The following RBFA variants were observed in gnomAD, a reference collection of about 807,000 sequenced individuals.
The protein encoded by RBFA is ribosome binding factor A.
A neutral mutation model predicts 27.9 loss-of-function variants in RBFA; 16 were observed. The observed-to-expected ratio is 0.57, with a 90% CI of 0.39 to 0.87. The LOEUF (loss-of-function observed/expected upper bound fraction) is 0.87, where lower values mean the gene tolerates loss of function less well. Among genes scored for constraint, RBFA ranks in the 40% least tolerant of loss-of-function variants. The pLI is 0.00. For synonymous variants in RBFA, 181 were observed against 181.0 expected (o/e 1.00, Z 0.00); for missense variants, 456 against 432.1 (o/e 1.06, Z -0.49).
rs770339188 is a variant in RBFA, at chr18:80,036,664, A to C, written c.159-4A>C. On this transcript the variant is annotated splice_polypyrimidine_tract_variant and splice_region_variant and intron_variant, in intron 1 of 6. Coordinates refer to ENST00000306735, the MANE Select transcript of RBFA (RefSeq NM_024805.3). ...CTAACATAATGCTTATTTTCTCCCC[A>C]AAGAAAAAAGGTTTGGTATGAAAGT... 2 of 1,610,842 alleles carry C rather than the reference A, an allele frequency of 1.2e-6. No homozygotes were observed. The highest frequency in any genetic ancestry group is 4.5e-5 in the East Asian group (2 of 44,846).
chr18:80,039,771 T>G (rs879739731), intron 4 of RBFA, among the ~76,000 whole-genome samples: 6 of 152,224 alleles, frequency 3.9e-5, no homozygotes, highest in South Asian at 2.1e-4. Flanking sequence ...GAGCTGTTGT[T>G]TTCCAAATGA....
chr18:80,037,144 T>C lies in RBFA; in HGVS notation c.202-186T>C, dbSNP rs2051984724. 5.9e-6 allele frequency: 3 copies of C among 512,140 alleles called. No homozygotes were observed. The East Asian group carries it at 9.0e-5, about 15-fold the overall frequency. The allele number at this position is 512,140 out of a possible 1,614,324, so 31.7% of individuals were successfully genotyped here. Reference sequence around the variant, plus strand: ...GGCAGTACTTTTAATCTTGGAGGGTTACCAGGTAAAATTTAAAAGGATCCC... The same window carrying C: ...GGCAGTACTTTTAATCTTGGAGGGTCACCAGGTAAAATTTAAAAGGATCCC... On this transcript the variant is annotated intron_variant, in intron 2 of 6. Coordinates refer to ENST00000306735, the MANE Select transcript of RBFA (RefSeq NM_024805.3).
At chr18:80,041,182 T>C (rs531792674) in intron 4 of RBFA, 1 of 152,330 alleles carries the variant, frequency 6.6e-6, no homozygotes, top group East Asian at 1.9e-4. Flanking sequence ...TCTTACTGTT[T>C]AACAAAAGCA....
rs1414380017 is a variant in RBFA, at chr18:80,036,688, G to T, written c.179G>T (p.Ser60Ile). 7.4e-6 allele frequency: 12 copies of T among 1,612,636 alleles called. No homozygotes were observed. The highest frequency in any genetic ancestry group is 1.0e-5 in the Non-Finnish European group (12 of 1,179,108). ...CAAAGAAAAAAGGTTTGGTATGAAA[G>T]TCCTTCCTTGGGTTCTCACTCGGTG... ...SKTKKKVWYE[S>I]PSLGSHSTYK... The change falls in exon 2 of 7, where the codon AGT becomes ATT. Residue 60 changes from serine (S) to isoleucine (I), a missense_variant. By Grantham distance (142) the Ser-to-Ile change is moderately radical (BLOSUM62 -2). Coordinates refer to ENST00000306735, the MANE Select transcript of RBFA (RefSeq NM_024805.3).
intron 1 of RBFA, 106 bp from the exon 2 acceptor site, chr18:80,036,559 TCTA>T: frequency 1.5e-6 from 1 of 668,596 alleles, no homozygotes; most frequent in African/African-American, 1.8e-5. Flanking sequence ...TAATGTAACA[TCTA>T]AGTTTAGCCC....
chr18:80,044,160 G>A, intron 5 of RBFA, 52 bp from the exon 6 acceptor site: 1 of 1,471,408 alleles, frequency 6.8e-7, no homozygotes, highest in Non-Finnish European at 9.5e-7. Flanking sequence ...CCGGCTGTAA[G>A]TATGGTGGTG....
At position 80,034,517 on chromosome 18, in the gene RBFA, C is replaced by G. The variant is rs1224212708; in HGVS notation, c.22C>G (p.Leu8Val). The G allele has an allele frequency of 1.3e-6, 2 of 1,584,000 alleles. No homozygotes were observed. Among genetic ancestry groups the G allele is most frequent in the Middle Eastern group, 1.7e-4 (1 of 5,728 alleles). Reference sequence around the variant, plus strand: ...CGCCATGTGGGCTGCGGCGGGCGGGCTGTGGCGCTCCCGCGCGGGTCTCCG... The same window carrying G: ...CGCCATGTGGGCTGCGGCGGGCGGGGTGTGGCGCTCCCGCGCGGGTCTCCG... MWAAAGG[L>V]WRSRAGLRAL... is the part of the protein sequence containing the mutation. Residue 8 changes from leucine (L) to valine (V), a missense_variant, in exon 1 of 7, where the codon CTG becomes GTG. Coordinates refer to ENST00000306735, the MANE Select transcript of RBFA (RefSeq NM_024805.3).
intron 4 of RBFA, chr18:80,041,909 G>T (rs1267731704): frequency 9.5e-6 from 2 of 210,636 alleles, no homozygotes; most frequent in Non-Finnish European, 1.9e-5. Flanking sequence ...TGTATTTTTA[G>T]TAGAGACGGG....
At position 80,048,658 on chromosome 18, in the gene RBFA, G is replaced by A. The variant is rs117043195; in HGVS notation, c.*2503G>A. Among the ~76,000 whole-genome samples, 460 of 152,346 alleles carry A rather than the reference G, an allele frequency of 3.0e-3. 2 individuals carry two copies. Among genetic ancestry groups the A allele is most frequent in the Middle Eastern group, 6.8e-3 (2 of 294 alleles). ...GACCTCCACGCCTGTGCCGGATGTG[G>A]TGTTGGCATCCATAGCAGTCTCGCA... On this transcript the variant is annotated 3_prime_UTR_variant, in exon 7 of 7. Transcript: ENST00000306735.
At position 80,034,537 on chromosome 18, in the gene RBFA, T is replaced by G. The variant is rs549982787; in HGVS notation, c.42T>G (p.Gly14=). Residue 14 remains glycine, a synonymous_variant, in exon 1 of 7, where the codon GGT becomes GGG. Transcript: ENST00000306735. Reference sequence around the variant, plus strand: ...GCGGGCTGTGGCGCTCCCGCGCGGGTCTCCGGGCCCTGTTCCGTAGCCGCG... The same window carrying G: ...GCGGGCTGTGGCGCTCCCGCGCGGGGCTCCGGGCCCTGTTCCGTAGCCGCG... ...AAGGLWRSRA[G]LRALFRSRDA... is the part of the protein sequence containing the mutation. 5 of 1,589,994 alleles carry G rather than the reference T, an allele frequency of 3.1e-6. No individual in the cohort carries two copies. The highest frequency in any genetic ancestry group is 3.4e-6 in the Non-Finnish European group (4 of 1,173,158).
chr18:80,047,137 T>G lies in RBFA; in HGVS notation c.*982T>G, dbSNP rs72972289. On this transcript the variant is annotated 3_prime_UTR_variant, in exon 7 of 7. Transcript: ENST00000306735. ...CCTCCAAGCCCTGGCTCTCTGCCAG[T>G]GCAGCAGGGCTGTGAGAATCAAGAC... is the stretch of plus-strand genomic sequence containing the variant. The G allele has an allele frequency of 0.24, 36,196 of 152,234 alleles. 5,635 individuals are homozygous for G. The highest frequency in any genetic ancestry group is 0.35 in the Non-Finnish European group (23,659 of 68,004). 9.4% of individuals were successfully genotyped at this position (152,234 alleles called of 1,614,324 possible).
At position 80,034,607 on chromosome 18, in the gene RBFA, G is replaced by T. The variant is rs751642916; in HGVS notation, c.112G>T (p.Ala38Ser). 1.9e-6 allele frequency: 3 copies of T among 1,609,270 alleles called. No homozygotes were observed. The highest frequency in any genetic ancestry group is 1.7e-6 in the Non-Finnish European group (2 of 1,178,918). Residue 38 changes from alanine (A) to serine (S), a missense_variant, in exon 1 of 7, where the codon GCT becomes TCT. Ala to Ser is a moderately conservative substitution (Grantham distance 99, BLOSUM62 1). Transcript: ENST00000306735. ...CTGCGAGCGGGGACTTCACTGCTCT[G>T]CTGTCTCCTGCAAGAACTGGCTCAA... The part of the protein sequence containing the change: ...PGCERGLHCS[A>S]VSCKNWLKKF...
In RBFA at chr18:80,046,317, G is replaced by C; in HGVS notation, c.*162G>C. ...TATCTAAACACAATTTGCTACACAA[G>C]TCACTGTTTTTTTTTCCATGCACTG... On this transcript the variant is annotated 3_prime_UTR_variant, in exon 7 of 7. Coordinates refer to ENST00000306735, the MANE Select transcript of RBFA (RefSeq NM_024805.3). 2 of 791,198 alleles carry C rather than the reference G, an allele frequency of 2.5e-6. No individual in the cohort carries two copies. The highest frequency in any genetic ancestry group is 2.0e-6 in the Non-Finnish European group (1 of 505,780). The allele number at this position is 791,198 out of a possible 1,614,324, so 49.0% of individuals were successfully genotyped here.
In RBFA at chr18:80,038,510, C is replaced by T. The variant is rs769921430; in HGVS notation, c.384C>T (p.Ser128=). 2 of 1,610,050 alleles carry T rather than the reference C, an allele frequency of 1.2e-6. No homozygotes were observed. The highest frequency in any genetic ancestry group is 1.7e-6 in the Non-Finnish European group (2 of 1,177,700). Residue 128 remains serine, a synonymous_variant, in exon 4 of 7, where the codon TCC becomes TCT. Transcript: ENST00000306735. ...YDLNVELSKV[S]LTPDFSACRA... is the part of the protein sequence containing the mutation. ...GTGGAGGGGCGGGGTCTCAGGTTTC[C>T]CTGACTCCAGACTTCTCAGCCTGCC...
chr18:80,046,220 C>G lies in RBFA; in HGVS notation c.*65C>G. On this transcript the variant is annotated 3_prime_UTR_variant, in exon 7 of 7. Coordinates refer to ENST00000306735, the MANE Select transcript of RBFA (RefSeq NM_024805.3). ...CATTGGCACGCAACGCAGCATGTGG[C>G]TTCATTGAGGCAGTTGATGGAGTTA... is the stretch of plus-strand genomic sequence containing the variant. 6.5e-7 allele frequency: 1 copy of G among 1,532,908 alleles called. No individual in the cohort carries two copies. Among genetic ancestry groups the G allele is most frequent in the Non-Finnish European group, 8.8e-7 (1 of 1,133,342 alleles). 95.0% of individuals were successfully genotyped at this position (1,532,908 alleles called of 1,614,324 possible).
At chr18:80,037,240 C>T (rs1221752548) in intron 2 of RBFA, 90 bp from the exon 3 acceptor site, 9 of 1,062,588 alleles carry the variant, frequency 8.5e-6, no homozygotes, top group Non-Finnish European at 1.2e-5. Context: ...TCTGGTTGCC[C>T]ATCCAGCCCT....
intron 6 of RBFA, among the ~76,000 whole-genome samples, chr18:80,044,763 A>G (rs1202936907): frequency 6.6e-6 from 1 of 152,262 alleles, no homozygotes; most frequent in Non-Finnish European, 1.5e-5. Flanking sequence ...ACACATACAC[A>G]TCTTTTCCAA....
rs2051961739 is a variant in RBFA, at chr18:80,034,602, G to T, written c.107G>T (p.Cys36Phe). Reference protein sequence around the residue: ...LFPGCERGLHCSAVSCKNWLK... With the variant: ...LFPGCERGLHFSAVSCKNWLK... Reference sequence around the variant, plus strand: ...CCAGGCTGCGAGCGGGGACTTCACTGCTCTGCTGTCTCCTGCAAGAACTGG... The same window carrying T: ...CCAGGCTGCGAGCGGGGACTTCACTTCTCTGCTGTCTCCTGCAAGAACTGG... The change falls in exon 1 of 7, where the codon TGC becomes TTC. Residue 36 changes from cysteine (C) to phenylalanine (F), a missense_variant. Transcript: ENST00000306735. The T allele has an allele frequency of 7.5e-6, 12 of 1,610,052 alleles. No homozygotes were observed. Among genetic ancestry groups the T allele is most frequent in the Non-Finnish European group, 6.8e-6 (8 of 1,179,156 alleles).
chr18:80,042,053 T>C lies in RBFA; in HGVS notation c.492-82T>C, dbSNP rs113480297. On this transcript the variant is annotated intron_variant, in intron 4 of 6. Coordinates refer to ENST00000306735, the MANE Select transcript of RBFA (RefSeq NM_024805.3). ...TCACTCCTGCCTCTTGGTTACATCTTGAATCATATGTTCAGCACTGTCACG... is the reference window on the plus strand; with the variant it reads ...TCACTCCTGCCTCTTGGTTACATCTCGAATCATATGTTCAGCACTGTCACG... 2.7e-5 allele frequency: 28 copies of C among 1,043,066 alleles called. 1 individual carries two copies. The African/African-American group carries it at 2.8e-4, about 10-fold the overall frequency. The allele number at this position is 1,043,066 out of a possible 1,614,324, so 64.6% of individuals were successfully genotyped here.
Sources: allele counts gnomAD v4.1 joint callset (sites outside exome capture counted in the v4.1 genomes callset), GRCh38; gene constraint gnomAD v4.1.1; transcripts MANE v1.5; gene names NCBI Gene and HGNC (gene_info 2026-07-23, HGNC 2026-07-21).